Variants in FBXO32 observed in about 807,000 individuals in gnomAD.
The protein encoded by FBXO32 is F-box protein 32.
Under a neutral mutation model 48.3 loss-of-function variants are expected in FBXO32, and 15 were observed. That is an observed-to-expected ratio of 0.31 (90% CI 0.21 to 0.48). The LOEUF (loss-of-function observed/expected upper bound fraction) is 0.48. Ranked by LOEUF, FBXO32 falls within the 20% of genes least tolerant of loss-of-function variation. The pLI is 0.99. For missense variants in FBXO32, 309 were observed against 432.7 expected (o/e 0.71, Z 2.54); for synonymous variants, 154 against 165.9 (o/e 0.93, Z 0.55).
intron 4 of FBXO32, among the ~76,000 whole-genome samples, chr8:123,519,688 A>G (rs917826653): frequency 6.6e-6 from 1 of 152,224 alleles, no homozygotes; most frequent in Non-Finnish European, 1.5e-5. Context: ...GGTAAACCAC[A>G]GAGTCTACTT....
chr8:123,505,127 A>G (rs1816588286), intron 7 of FBXO32, among the ~76,000 whole-genome samples: 1 of 152,200 alleles, frequency 6.6e-6, no homozygotes, highest in African/African-American at 2.4e-5. Flanking sequence ...ACTGCTTGGC[A>G]CCAGGGCTCT....
intron 4 of FBXO32, 150 bp from the exon 5 acceptor site, chr8:123,514,483 T>A (rs1816799192): frequency 3.9e-6 from 2 of 510,618 alleles, no homozygotes; most frequent in African/African-American, 3.9e-5. Context: ...AAGCAGATGC[T>A]CAGAGTGAAA....
At chr8:123,531,248 C>T (rs1357966033) in intron 4 of FBXO32, among the ~76,000 whole-genome samples, 1 of 152,146 alleles carries the variant, frequency 6.6e-6, no homozygotes, top group Admixed American at 6.5e-5. Context: ...TCCCAAAGTG[C>T]TGGGATTACA....
intron 4 of FBXO32, among the ~76,000 whole-genome samples, chr8:123,530,422 G>T (rs879805921): frequency 2.0e-5 from 3 of 151,776 alleles, no homozygotes; most frequent in Non-Finnish European, 4.4e-5. Flanking sequence ...ACCCACAGGG[G>T]GAAAATTCCC....
Position 123,500,255 on chromosome 8 carries a change from T to C in FBXO32, c.*3118A>G, listed in dbSNP as rs544330636. On this transcript the variant is annotated 3_prime_UTR_variant, in exon 9 of 9. Coordinates refer to ENST00000517956, the MANE Select transcript of FBXO32 (RefSeq NM_058229.4). Reference sequence around the variant, plus strand: ...ACTCTAGGCTCACTGCCCATAAACCTTTGAGTTGGACCAAATCTTAACATC... The same window carrying C: ...ACTCTAGGCTCACTGCCCATAAACCCTTGAGTTGGACCAAATCTTAACATC... 19 of 152,324 alleles carry C rather than the reference T, an allele frequency of 1.2e-4. No homozygotes were observed. Among genetic ancestry groups the C allele is most frequent in the African/African-American group, 4.6e-4 (19 of 41,562 alleles). The allele number at this position is 152,324 out of a possible 1,614,324, so 9.4% of individuals were successfully genotyped here.
intron 4 of FBXO32, among the ~76,000 whole-genome samples, chr8:123,517,182 G>T (rs542885027): frequency 6.6e-6 from 1 of 152,298 alleles, no homozygotes; most frequent in African/African-American, 2.4e-5. Context: ...GGGGCAAGGG[G>T]TTGGGAGGAA....
chr8:123,524,163 T>C (rs1324731513), intron 4 of FBXO32, among the ~76,000 whole-genome samples: 1 of 152,148 alleles, frequency 6.6e-6, no homozygotes, highest in Non-Finnish European at 1.5e-5. Flanking sequence ...TCCTACTTCT[T>C]CAAATACCCT....
intron 4 of FBXO32, among the ~76,000 whole-genome samples, chr8:123,517,213 A>G (rs1360345864): frequency 1.3e-5 from 2 of 152,204 alleles, no homozygotes; most frequent in Non-Finnish European, 2.9e-5. Flanking sequence ...GCTCTGCCTG[A>G]AATCCATCCA....
chr8:123,515,386 C>G (rs369421325), intron 4 of FBXO32, among the ~76,000 whole-genome samples: 1 of 152,016 alleles, frequency 6.6e-6, no homozygotes, highest in Middle Eastern at 3.4e-3. Flanking sequence ...CAGGCATGTG[C>G]CACTACGCCT....
chr8:123,516,450 C>A (rs1816841454), intron 4 of FBXO32, among the ~76,000 whole-genome samples: 1 of 152,080 alleles, frequency 6.6e-6, no homozygotes, highest in African/African-American at 2.4e-5. Flanking sequence ...CATTTCAGAT[C>A]AATAAACACT....
intron 1 of FBXO32, among the ~76,000 whole-genome samples, chr8:123,535,823 A>AG (rs199680467): frequency 3.9e-4 from 34 of 88,204 alleles, no homozygotes; most frequent in South Asian, 3.8e-3. Context: ...AACATAAATT[A>AG]GGGGTTTTTT....
chr8:123,507,795 C>T (rs915388329), intron 6 of FBXO32, among the ~76,000 whole-genome samples: 1 of 152,242 alleles, frequency 6.6e-6, no homozygotes. Flanking sequence ...CTCCTGAGTG[C>T]CTACTATGGC....
chr8:123,536,024 G>A (rs1817303752), intron 1 of FBXO32, among the ~76,000 whole-genome samples: 1 of 152,082 alleles, frequency 6.6e-6, no homozygotes, highest in Non-Finnish European at 1.5e-5. Flanking sequence ...GCAACTTCTA[G>A]TATCTTTTTG....
chr8:123,538,565 C>T (rs1563928473), intron 1 of FBXO32, among the ~76,000 whole-genome samples: 1 of 152,090 alleles, frequency 6.6e-6, no homozygotes, highest in South Asian at 2.1e-4. Flanking sequence ...CAAACCCAGA[C>T]CACAGAAGGC....
rs1817243913 is a variant in FBXO32, at chr8:123,533,193, C to G, written c.277G>C (p.Glu93Gln). The change falls in exon 3 of 9, where the codon GAG becomes CAG. Residue 93 changes from glutamate (E) to glutamine (Q), a missense_variant and splice_region_variant. Coordinates refer to ENST00000517956, the MANE Select transcript of FBXO32 (RefSeq NM_058229.4). ...WIYVHKGSTKERHGYCTLGEA... is the reference protein window; with the variant it reads ...WIYVHKGSTKQRHGYCTLGEA... The stretch of plus-strand genomic sequence containing the variant: ...TAGTAAATGAATGGGATGCTCACCT[C>G]TTTAGTACTTCCTTTGTGAACATAG... The G allele has an allele frequency of 1.2e-6, 2 of 1,611,780 alleles. No individual in the cohort carries two copies. The highest frequency in any genetic ancestry group is 1.7e-6 in the Non-Finnish European group (2 of 1,178,064).
chr8:123,519,550 CAAAAAA>C (rs778974048), intron 4 of FBXO32, among the ~76,000 whole-genome samples: 1 of 72,282 alleles, frequency 1.4e-5, no homozygotes. Context: ...GACTCCATCT[CAAAAAA>C]AAAAAAAAAA....
intron 1 of FBXO32, among the ~76,000 whole-genome samples, chr8:123,535,826 G>GTTT (rs149011780): frequency 0.17 from 23,204 of 133,218 alleles, 1,990 homozygotes; most frequent in East Asian, 0.23. Context: ...ATAAATTAGG[G>GTTT]GTTTTTTTTT....
rs1816387381 is a variant in FBXO32 at position 123,497,950 on chromosome 8, C to T, written c.*5423G>A. 6.6e-6 allele frequency: 1 copy of T among 152,058 alleles called. No homozygotes were observed. The highest frequency in any genetic ancestry group is 6.6e-5 in the Admixed American group (1 of 15,264). 9.4% of individuals were successfully genotyped at this position (152,058 alleles called of 1,614,324 possible). A position where few individuals can be genotyped will look rare whatever the true frequency, so the allele number is the denominator to read the frequency against. ...AAAGTTTTTTACAAAAATATGCCAC[C>T]GTCTGGTACAAACAACTATAAAAAA... On this transcript the variant is annotated 3_prime_UTR_variant, in exon 9 of 9. Coordinates refer to ENST00000517956, the MANE Select transcript of FBXO32 (RefSeq NM_058229.4).
chr8:123,524,060 T>C lies in FBXO32; in HGVS notation c.372+7838A>G, dbSNP rs1053715544. On this transcript the variant is annotated intron_variant, in intron 4 of 8. Transcript: ENST00000517956. ...TTTATGAATATGCATAAATTGAGAG[T>C]GCATGCTTAAGTTATTTTATACTAT... is the stretch of plus-strand genomic sequence containing the variant. 3.9e-5 allele frequency among the ~76,000 whole-genome samples: 6 copies of C among 152,268 alleles called. No homozygotes were observed. In the South Asian group the frequency reaches 1.2e-3, roughly 32 times the overall value.
Sources: allele counts gnomAD v4.1 joint callset (sites outside exome capture counted in the v4.1 genomes callset), GRCh38; gene constraint gnomAD v4.1.1; transcripts MANE v1.5; gene names NCBI Gene and HGNC (gene_info 2026-07-23, HGNC 2026-07-21).